FBXL17: variants seen among roughly 807,000 people sequenced by gnomAD.
FBXL17 encodes the protein F-box/LRR-repeat protein 17.
In FBXL17, 22 loss-of-function variants were observed where a neutral mutation model predicts 66.2. The observed-to-expected ratio is 0.33, with a 90% confidence interval of 0.24 to 0.47. The LOEUF is 0.47. Ranked by LOEUF, FBXL17 falls within the 20% of genes least tolerant of loss-of-function variation. The pLI, the probability that FBXL17 is intolerant of heterozygous loss-of-function variation, is 1.00. For synonymous variants in FBXL17, 474 were observed against 400.5 expected, an observed-to-expected ratio of 1.18 and a Z score of -2.19; for missense variants, 878 against 948.2, an observed-to-expected ratio of 0.93 and a Z score of 0.97.
At chr5:108,373,109 G>T (rs934485058) in intron 1 of FBXL17, among the ~76,000 whole-genome samples, 2 of 148,828 alleles carry the variant, frequency 1.3e-5, no homozygotes, top group Non-Finnish European at 3.0e-5. Flanking sequence ...AACCCCCAGG[G>T]TAAATACTAA....
intron 7 of FBXL17, among the ~76,000 whole-genome samples, chr5:107,965,863 T>C (rs1752109513): frequency 6.6e-6 from 1 of 152,126 alleles, no homozygotes; most frequent in Admixed American, 6.6e-5. Flanking sequence ...ACATAAAATA[T>C]GATGACACCA....
rs546526085 is a variant in FBXL17 at position 108,374,880 on chromosome 5, T to C, written c.993+5819A>G. Reference sequence around the variant, plus strand: ...AAAATCTATGGGATACAGAAACAAGTAACTACATTTAAAAAGAAGAAAGAT... The same window carrying C: ...AAAATCTATGGGATACAGAAACAAGCAACTACATTTAAAAAGAAGAAAGAT... On this transcript the variant is annotated intron_variant, in intron 1 of 8. Coordinates refer to ENST00000542267, the MANE Select transcript of FBXL17 (RefSeq NM_001163315.3). Among the ~76,000 whole-genome samples, 49 of 152,020 alleles carry C rather than the reference T, an allele frequency of 3.2e-4. 1 individual carries two copies. In the South Asian group the frequency reaches 9.8e-3, roughly 30 times the overall value.
At chr5:108,255,161 A>G (rs1756520876) in intron 4 of FBXL17, among the ~76,000 whole-genome samples, 1 of 152,180 alleles carries the variant, frequency 6.6e-6, no homozygotes, top group Admixed American at 6.6e-5. Context: ...TCAACATAAT[A>G]AAATACATTT....
intron 6 of FBXL17, among the ~76,000 whole-genome samples, chr5:108,183,888 A>G (rs1490812438): frequency 2.0e-5 from 3 of 152,154 alleles, no homozygotes; most frequent in Non-Finnish European, 4.4e-5. Context: ...AGATATTGAT[A>G]TATTTCATAT....
intron 2 of FBXL17, among the ~76,000 whole-genome samples, chr5:108,366,122 A>G (rs1748644798): frequency 6.6e-6 from 1 of 152,054 alleles, no homozygotes; most frequent in Non-Finnish European, 1.5e-5. Context: ...CCTCGCATAT[A>G]ATTCATAGGT....
intron 5 of FBXL17, among the ~76,000 whole-genome samples, chr5:108,194,252 C>T (rs753949839): frequency 6.6e-6 from 1 of 152,104 alleles, no homozygotes; most frequent in Non-Finnish European, 1.5e-5. Flanking sequence ...TAAAACTGCT[C>T]TCACTTCACT....
intron 4 of FBXL17, among the ~76,000 whole-genome samples, chr5:108,242,968 G>A (rs147813602): frequency 1.1e-4 from 17 of 152,130 alleles, no homozygotes; most frequent in Admixed American, 1.0e-3. Flanking sequence ...TGTCAACAAG[G>A]GCTTTGGAAT....
chr5:108,240,277 T>C (rs896665076), intron 4 of FBXL17, among the ~76,000 whole-genome samples: 2 of 152,154 alleles, frequency 1.3e-5, no homozygotes, highest in Non-Finnish European at 2.9e-5. Context: ...ATTCCAGGCA[T>C]TAGCTCTTGG....
intron 7 of FBXL17, among the ~76,000 whole-genome samples, chr5:107,990,082 G>C (rs1398450792): frequency 6.6e-6 from 1 of 152,214 alleles, no homozygotes; most frequent in Non-Finnish European, 1.5e-5. Context: ...ACTTTAGAAA[G>C]AGGTAAGAGC....
intron 6 of FBXL17, among the ~76,000 whole-genome samples, chr5:108,074,124 G>A (rs1748450545): frequency 6.6e-6 from 1 of 152,084 alleles, no homozygotes; most frequent in African/African-American, 2.4e-5. Context: ...GTACCCCACT[G>A]GGGGACTGTG....
intron 7 of FBXL17, among the ~76,000 whole-genome samples, chr5:107,921,854 C>T (rs1284630841): frequency 3.3e-5 from 5 of 152,206 alleles, no homozygotes; most frequent in African/African-American, 1.2e-4. Context: ...AATGACTATT[C>T]AGCACTTGCT....
intron 6 of FBXL17, among the ~76,000 whole-genome samples, chr5:108,174,831 G>C (rs989926204): frequency 6.7e-6 from 1 of 148,840 alleles, no homozygotes; most frequent in African/African-American, 2.5e-5. Flanking sequence ...GGCAGGCAAA[G>C]TTTCTGGTTC....
chr5:108,022,260 A>T (rs114430570), intron 6 of FBXL17, among the ~76,000 whole-genome samples: 35 of 152,096 alleles, frequency 2.3e-4, no homozygotes, highest in African/African-American at 8.2e-4. Flanking sequence ...AGGAAACTTA[A>T]AACAGCAACA....
At chr5:107,870,731 G>A (rs540704236) in intron 8 of FBXL17, among the ~76,000 whole-genome samples, 82 of 151,806 alleles carry the variant, frequency 5.4e-4, no homozygotes, top group African/African-American at 1.5e-3. Flanking sequence ...GACTACAGGC[G>A]CGTGCCACCA....
intron 8 of FBXL17, among the ~76,000 whole-genome samples, chr5:107,869,990 G>T (rs1039206965): frequency 1.3e-5 from 2 of 152,158 alleles, no homozygotes; most frequent in South Asian, 4.1e-4. Context: ...AGAATAAAGT[G>T]GTTGTCAACC....
chr5:108,331,383 T>C (rs1367019006), intron 4 of FBXL17, among the ~76,000 whole-genome samples: 2 of 152,192 alleles, frequency 1.3e-5, no homozygotes, highest in Non-Finnish European at 2.9e-5. Flanking sequence ...TTGGTTTGAT[T>C]TCACCAAAAC....
At chr5:107,883,637 T>C (rs1748867765) in intron 7 of FBXL17, among the ~76,000 whole-genome samples, 1 of 152,184 alleles carries the variant, frequency 6.6e-6, no homozygotes, top group African/African-American at 2.4e-5. Flanking sequence ...CTATTGGGAA[T>C]GTTATTATTT....
chr5:107,968,749 ACTTT>A (rs1413920035), intron 7 of FBXL17, among the ~76,000 whole-genome samples: 9 of 152,296 alleles, frequency 5.9e-5, no homozygotes, highest in African/African-American at 2.2e-4. Context: ...TGCACTCTGT[ACTTT>A]CTTTATAGGA....
intron 7 of FBXL17, among the ~76,000 whole-genome samples, chr5:107,997,012 C>T (rs191609174): frequency 6.6e-6 from 1 of 152,164 alleles, no homozygotes; most frequent in African/African-American, 2.4e-5. Context: ...GTTCTTATAA[C>T]CAGTTAATAT....
Sources: gnomAD v4.1 joint callset for allele counts (sites outside exome capture counted in the v4.1 genomes callset) on GRCh38, gnomAD v4.1.1 for gene constraint, MANE v1.5 for transcripts, NCBI Gene and HGNC (gene_info 2026-07-23, HGNC 2026-07-21) for gene names.